IMMP2L: variants seen among roughly 807,000 people sequenced by gnomAD.
The protein encoded by IMMP2L is mitochondrial inner membrane protease subunit 2.
Under a neutral mutation model 19.3 loss-of-function variants are expected in IMMP2L, and 18 were observed. The observed-to-expected ratio is 0.93, with a 90% CI of 0.64 to 1.38. The LOEUF (loss-of-function observed/expected upper bound fraction) is 1.38, where lower values mean the gene tolerates loss of function less well. Ranked by LOEUF, IMMP2L falls within the 40% of genes most tolerant of loss-of-function variation. IMMP2L has a pLI of 0.00. For synonymous variants in IMMP2L, 76 were observed against 73.0 expected (o/e 1.04, Z -0.21); for missense variants, 233 against 218.2 (o/e 1.07, Z -0.43).
At chr7:111,256,436 C>T (rs37733) in intron 3 of IMMP2L, among the ~76,000 whole-genome samples, 84,849 of 151,740 alleles carry the variant, frequency 0.56, 24,435 homozygotes, top group South Asian at 0.71. Flanking sequence ...TAATACATGT[C>T]ATTTTCTTCT....
At chr7:111,404,703 C>G (rs1387720072) in intron 3 of IMMP2L, among the ~76,000 whole-genome samples, 1 of 152,044 alleles carries the variant, frequency 6.6e-6, no homozygotes, top group African/African-American at 2.4e-5. Flanking sequence ...AAAGTTTATT[C>G]TAAATTTTCA....
chr7:110,934,879 C>T (rs764182137), intron 4 of IMMP2L, among the ~76,000 whole-genome samples: 13 of 152,076 alleles, frequency 8.5e-5, no homozygotes, highest in Non-Finnish European at 1.8e-4. Flanking sequence ...TTATTTTGAG[C>T]CTATGTGTGT....
intron 3 of IMMP2L, among the ~76,000 whole-genome samples, chr7:111,072,879 G>C (rs1046613835): frequency 6.6e-6 from 1 of 150,576 alleles, no homozygotes; most frequent in African/African-American, 2.5e-5. Flanking sequence ...TTCCAGCCTG[G>C]GTGACAGAGC....
intron 5 of IMMP2L, among the ~76,000 whole-genome samples, chr7:110,741,969 G>GT (rs775724640): frequency 1.1e-4 from 16 of 152,170 alleles, no homozygotes; most frequent in Non-Finnish European, 1.8e-4. Flanking sequence ...AGTCTTAGGG[G>GT]TGTGAGGTAT....
intron 3 of IMMP2L, among the ~76,000 whole-genome samples, chr7:110,984,998 GAA>G (rs1159288411): frequency 2.0e-5 from 3 of 151,614 alleles, no homozygotes; most frequent in Non-Finnish European, 4.4e-5. Flanking sequence ...AGAGGTGGCA[GAA>G]AAAAAAGAGT....
intron 5 of IMMP2L, among the ~76,000 whole-genome samples, chr7:110,868,023 G>GA (rs1808157130): frequency 6.6e-6 from 1 of 151,844 alleles, no homozygotes; most frequent in Admixed American, 6.6e-5. Context: ...GCAATTAACT[G>GA]AAGGCAGCTC....
intron 5 of IMMP2L, among the ~76,000 whole-genome samples, chr7:110,875,396 GT>G (rs201266780): frequency 2.0e-5 from 3 of 151,726 alleles, no homozygotes; most frequent in East Asian, 1.9e-4. Flanking sequence ...TTGTGTTTGT[GT>G]TTTTTTTGTG....
chr7:110,771,567 A>G (rs1357396397), intron 5 of IMMP2L, among the ~76,000 whole-genome samples: 1 of 152,102 alleles, frequency 6.6e-6, no homozygotes, highest in African/African-American at 2.4e-5. Flanking sequence ...AACAAGAAAA[A>G]TACAATTACC....
intron 3 of IMMP2L, among the ~76,000 whole-genome samples, chr7:111,281,188 A>G (rs867115110): frequency 6.7e-5 from 4 of 59,582 alleles, no homozygotes; most frequent in African/African-American, 2.8e-4. Context: ...GAAAGAAAGA[A>G]AGAAAGAAAG....
At chr7:110,853,202 C>T (rs1806421649) in intron 5 of IMMP2L, among the ~76,000 whole-genome samples, 1 of 151,612 alleles carries the variant, frequency 6.6e-6, no homozygotes, top group Non-Finnish European at 1.5e-5. Context: ...TACACAAATG[C>T]ACAAAAAATC....
chr7:111,283,768 G>A (rs1437333530), intron 3 of IMMP2L, among the ~76,000 whole-genome samples: 4 of 151,552 alleles, frequency 2.6e-5, no homozygotes, highest in South Asian at 2.1e-4. Flanking sequence ...TCAGGAGATC[G>A]AGACCATCCC....
chr7:110,840,195 A>G (rs991460493), intron 5 of IMMP2L, among the ~76,000 whole-genome samples: 2 of 152,042 alleles, frequency 1.3e-5, no homozygotes. Flanking sequence ...GTATCTCCCC[A>G]CTTTCACCCT....
chr7:111,277,738 A>T (rs1036590935), intron 3 of IMMP2L, among the ~76,000 whole-genome samples: 1 of 152,178 alleles, frequency 6.6e-6, no homozygotes, highest in Non-Finnish European at 1.5e-5. Context: ...CTGGGTATCT[A>T]CCCAAAGAGA....
At chr7:110,705,706 C>T (rs1042241472) in intron 5 of IMMP2L, among the ~76,000 whole-genome samples, 3 of 151,876 alleles carry the variant, frequency 2.0e-5, no homozygotes, top group Non-Finnish European at 1.5e-5. Context: ...GTGCATAGTA[C>T]CCAAAAGTTA....
At chr7:111,233,708 T>C (rs1233758027) in intron 3 of IMMP2L, among the ~76,000 whole-genome samples, 1 of 152,090 alleles carries the variant, frequency 6.6e-6, no homozygotes, top group Non-Finnish European at 1.5e-5. Context: ...TGGTATTTAG[T>C]GCCAGCACTT....
intron 3 of IMMP2L, among the ~76,000 whole-genome samples, chr7:111,437,613 T>TAA (rs1445949963): frequency 6.6e-6 from 1 of 151,998 alleles, no homozygotes; most frequent in East Asian, 1.9e-4. Flanking sequence ...GATTTTATTT[T>TAA]TTAAATTACC....
intron 3 of IMMP2L, among the ~76,000 whole-genome samples, chr7:111,342,760 T>A (rs1320812680): frequency 6.6e-6 from 1 of 152,110 alleles, no homozygotes; most frequent in African/African-American, 2.4e-5. Context: ...GTATTTTAAA[T>A]ATGTCAACTT....
chr7:110,751,692 T>G (rs1797728276), intron 5 of IMMP2L, among the ~76,000 whole-genome samples: 1 of 152,046 alleles, frequency 6.6e-6, no homozygotes, highest in Non-Finnish European at 1.5e-5. Flanking sequence ...TGACTAAAGA[T>G]AGGTTTGTTT....
At chr7:111,088,573 G>GA (rs931958436) in intron 3 of IMMP2L, among the ~76,000 whole-genome samples, 3 of 152,094 alleles carry the variant, frequency 2.0e-5, no homozygotes, top group African/African-American at 7.2e-5. Flanking sequence ...TAATATGGTG[G>GA]AAAAAACCTG....
Sources: allele counts gnomAD v4.1 joint callset (sites outside exome capture counted in the v4.1 genomes callset), GRCh38; gene constraint gnomAD v4.1.1; transcripts MANE v1.5; gene names NCBI Gene and HGNC (gene_info 2026-07-23, HGNC 2026-07-21).